Variants in LRRC20 observed in about 807,000 individuals in gnomAD.
LRRC20 encodes leucine-rich repeat-containing protein 20.
A neutral mutation model predicts 14.4 loss-of-function variants in LRRC20; 11 were observed. That is an observed-to-expected ratio of 0.77 (90% CI 0.48 to 1.27). The LOEUF (loss-of-function observed/expected upper bound fraction) is 1.27, where lower values mean the gene tolerates loss of function less well. LRRC20 is among the 50% of genes most tolerant of loss of function. The probability of loss-of-function intolerance (pLI) is 0.00; values close to 1 mark genes in which losing one functional copy is unlikely to be tolerated. For synonymous variants in LRRC20, 121 were observed against 107.3 expected, an observed-to-expected ratio of 1.13 and a Z score of -0.79; for missense variants, 219 against 251.2, an observed-to-expected ratio of 0.87 and a Z score of 0.87.
At chr10:70,352,687 T>C (rs1483813508) in intron 2 of LRRC20, among the ~76,000 whole-genome samples, 2 of 152,276 alleles carry the variant, frequency 1.3e-5, no homozygotes, top group Admixed American at 1.3e-4. Flanking sequence ...GTGGGGAGTA[T>C]ATTGGAAAAT....
At chr10:70,346,342 G>T (rs139535169) in intron 2 of LRRC20, among the ~76,000 whole-genome samples, 34 of 152,302 alleles carry the variant, frequency 2.2e-4, no homozygotes, top group African/African-American at 7.7e-4. Flanking sequence ...CTTGGGTCCA[G>T]TTCAAGGCTG....
At chr10:70,339,664 C>T (rs1485813497) in intron 3 of LRRC20, among the ~76,000 whole-genome samples, 1 of 152,130 alleles carries the variant, frequency 6.6e-6, no homozygotes, top group Non-Finnish European at 1.5e-5. Flanking sequence ...GATGGAGAGA[C>T]TGCTCTCTGG....
Position 70,304,206 on chromosome 10 carries a change from G to A in LRRC20, c.401-2698C>T, listed in dbSNP as rs144741342. ...CCGCTCTTCCCCGATCCAATTCCGTGAGCAGCCGGATCCCAGAAAACCTCC... is the reference window on the plus strand; with the variant it reads ...CCGCTCTTCCCCGATCCAATTCCGTAAGCAGCCGGATCCCAGAAAACCTCC... On this transcript the variant is annotated intron_variant, in intron 4 of 4. Coordinates refer to ENST00000446961, the MANE Select transcript of LRRC20 (RefSeq NM_001278212.2). Among the ~76,000 whole-genome samples, 18 of 152,052 alleles carry A rather than the reference G, an allele frequency of 1.2e-4. No individual in the cohort carries two copies. In the East Asian group the frequency reaches 3.1e-3, roughly 26 times the overall value.
At chr10:70,330,513 CCT>C (rs1842498558) in intron 3 of LRRC20, among the ~76,000 whole-genome samples, 1 of 152,166 alleles carries the variant, frequency 6.6e-6, no homozygotes, top group African/African-American at 2.4e-5. Flanking sequence ...ATGTCCCACC[CCT>C]GTCAGTCACC....
chr10:70,335,879 C>A (rs1564626434), intron 3 of LRRC20, among the ~76,000 whole-genome samples: 1 of 152,180 alleles, frequency 6.6e-6, no homozygotes, highest in Non-Finnish European at 1.5e-5. Context: ...CATTTTAAGC[C>A]ATTTCCTCTG....
In LRRC20 at chr10:70,340,604, C is replaced by T. The variant is rs148549802; in HGVS notation, c.181G>A (p.Glu61Lys). The T allele has an allele frequency of 6.2e-6, 10 of 1,614,056 alleles. 1 individual carries two copies. In the African/African-American group the frequency reaches 8.0e-5, roughly 13 times the overall value. The change falls in exon 3 of 5, where the codon GAG becomes AAG. Residue 61 changes from glutamate to lysine, a missense_variant. Coordinates refer to ENST00000446961, the MANE Select transcript of LRRC20 (RefSeq NM_001278212.2). ...QIHLITLANN[E>K]LKSLTSKFMT... ...AACTTGCTGGTGAGGGACTTAAGCT[C>T]GTTGTTAGCCAGGGTGATGAGGTGG...
Position 70,301,076 on chromosome 10 carries a change from A to C in LRRC20, c.*278T>G. Reference sequence around the variant, plus strand: ...GAAAGGGTCCTGTTTTTTTCAAGTGACAAGGCTCAGAGAGGGCAGGAGATC... The same window carrying C: ...GAAAGGGTCCTGTTTTTTTCAAGTGCCAAGGCTCAGAGAGGGCAGGAGATC... On this transcript the variant is annotated 3_prime_UTR_variant, in exon 5 of 5. Transcript: ENST00000446961. The C allele has an allele frequency of 8.2e-7, 1 of 1,221,924 alleles. No individual in the cohort carries two copies. Among genetic ancestry groups the C allele is most frequent in the Non-Finnish European group, 1.0e-6 (1 of 979,952 alleles). The allele number at this position is 1,221,924 out of a possible 1,614,324, so 75.7% of individuals were successfully genotyped here. A position where few individuals can be genotyped will look rare whatever the true frequency, so the allele number is the denominator to read the frequency against.
chr10:70,317,978 T>A (rs547136316), intron 4 of LRRC20, among the ~76,000 whole-genome samples: 73 of 152,370 alleles, frequency 4.8e-4, no homozygotes, highest in African/African-American at 1.7e-3. Flanking sequence ...GTCTAACGGA[T>A]GGGCAGCAGG....
At chr10:70,337,799 G>A (rs565688901) in intron 3 of LRRC20, among the ~76,000 whole-genome samples, 1 of 152,268 alleles carries the variant, frequency 6.6e-6, no homozygotes, top group South Asian at 2.1e-4. Flanking sequence ...GTCTCCTCAG[G>A]GGGAGACCCT....
At chr10:70,347,018 T>G (rs1181437395) in intron 2 of LRRC20, among the ~76,000 whole-genome samples, 1 of 152,150 alleles carries the variant, frequency 6.6e-6, no homozygotes, top group Non-Finnish European at 1.5e-5. Context: ...CCCAAGTAGC[T>G]GGGACTACAG....
chr10:70,366,866 A>C (rs1844018553), intron 2 of LRRC20, among the ~76,000 whole-genome samples: 1 of 152,246 alleles, frequency 6.6e-6, no homozygotes, highest in Admixed American at 6.5e-5. Flanking sequence ...AGTATACAAA[A>C]GGATGTGTGT....
At chr10:70,341,358 G>C (rs571978023) in intron 2 of LRRC20, among the ~76,000 whole-genome samples, 139 of 152,312 alleles carry the variant, frequency 9.1e-4, no homozygotes, top group African/African-American at 3.1e-3. Context: ...TCATGGCAGC[G>C]TTATTCACAA....
chr10:70,366,202 C>T (rs1474649497), intron 2 of LRRC20, among the ~76,000 whole-genome samples: 1 of 151,932 alleles, frequency 6.6e-6, no homozygotes, highest in Non-Finnish European at 1.5e-5. Context: ...GCAGGCAGAT[C>T]ACCTGAGGTC....
chr10:70,318,252 T>G (rs1841941555), intron 4 of LRRC20, among the ~76,000 whole-genome samples: 1 of 152,180 alleles, frequency 6.6e-6, no homozygotes, highest in Non-Finnish European at 1.5e-5. Context: ...GACAGACTGC[T>G]TCCCCCTCCC....
chr10:70,324,002 G>T lies in LRRC20; in HGVS notation c.261C>A (p.His87Gln). The T allele has an allele frequency of 1.2e-6, 2 of 1,614,132 alleles. No individual in the cohort carries two copies. The highest frequency in any genetic ancestry group is 1.7e-6 in the Non-Finnish European group (2 of 1,180,012). ...GGGCACTGACCTCGCTGGGGAGGCG[G>T]TGTAGGAAGTTCCCCTCCAGGTGGA... ...RELHLEGNFL[H>Q]RLPSEVSALQ... The change falls in exon 4 of 5, where the codon CAC (histidine) becomes CAA (glutamine). Residue 87 changes from histidine to glutamine, a missense_variant. By Grantham distance (24) the His-to-Gln change is conservative (BLOSUM62 0). Transcript: ENST00000446961.
At chr10:70,359,726 C>T (rs1843650919) in intron 2 of LRRC20, among the ~76,000 whole-genome samples, 1 of 152,188 alleles carries the variant, frequency 6.6e-6, no homozygotes, top group Non-Finnish European at 1.5e-5. Context: ...TATTTTTCCA[C>T]CTCTACATTT....
chr10:70,348,522 G>A (rs1202018446), intron 2 of LRRC20, among the ~76,000 whole-genome samples: 1 of 152,240 alleles, frequency 6.6e-6, no homozygotes, highest in African/African-American at 2.4e-5. Flanking sequence ...TCTGCACACA[G>A]GAGACTGTAA....
At chr10:70,371,028 T>C (rs1438966490) in intron 2 of LRRC20, among the ~76,000 whole-genome samples, 1 of 151,824 alleles carries the variant, frequency 6.6e-6, no homozygotes, top group African/African-American at 2.4e-5. Flanking sequence ...TCTAAAATGA[T>C]TAAAGAAATA....
Position 70,300,274 on chromosome 10 carries a change from G to A in LRRC20, c.*1080C>T. ...AGGGGACCAACCATCCCCACTTGCT[G>A]GGTACTGTCCCAGTTTTAGCATTGA... is the stretch of plus-strand genomic sequence containing the variant. On this transcript the variant is annotated 3_prime_UTR_variant, in exon 5 of 5. Transcript: ENST00000446961. 5.0e-6 allele frequency: 4 copies of A among 807,060 alleles called. No individual in the cohort carries two copies. Among genetic ancestry groups the A allele is most frequent in the Non-Finnish European group, 6.0e-6 (4 of 667,100 alleles). The allele number at this position is 807,060 out of a possible 1,614,324, so 50.0% of individuals were successfully genotyped here.
Sources: allele counts gnomAD v4.1 joint callset (sites outside exome capture counted in the v4.1 genomes callset), GRCh38; gene constraint gnomAD v4.1.1; transcripts MANE v1.5; gene names NCBI Gene and HGNC (gene_info 2026-07-23, HGNC 2026-07-21).